VMP1: variants seen among roughly 807,000 people sequenced by gnomAD.
VMP1 encodes ectopic P-granules autophagy protein 3 homolog.
Under a neutral mutation model 56.0 loss-of-function variants are expected in VMP1, and 11 were observed. That is an observed-to-expected ratio of 0.20 (90% CI 0.12 to 0.32). VMP1 has a LOEUF of 0.32. Among genes scored for constraint, VMP1 ranks in the 10% least tolerant of loss-of-function variants. VMP1 has a pLI of 1.00. For synonymous variants in VMP1, 149 were observed against 165.0 expected (o/e 0.90, Z 0.74); for missense variants, 296 against 490.3 (o/e 0.60, Z 3.74).
At chr17:59,781,250 A>G (rs2036812602) in intron 7 of VMP1, among the ~76,000 whole-genome samples, 1 of 152,140 alleles carries the variant, frequency 6.6e-6, no homozygotes, top group African/African-American at 2.4e-5. Flanking sequence ...TTTATGTTTT[A>G]CAGATCTGCA....
chr17:59,731,382 G>A (rs2143801394), intron 1 of VMP1, 39 bp from the exon 2 acceptor site: 1 of 1,293,784 alleles, frequency 7.7e-7, no homozygotes, highest in South Asian at 1.4e-5. Flanking sequence ...CACAGCAGAA[G>A]TTTGTAATGT....
chr17:59,784,407 C>T (rs1316855622), intron 7 of VMP1, among the ~76,000 whole-genome samples: 1 of 151,938 alleles, frequency 6.6e-6, no homozygotes, highest in African/African-American at 2.4e-5. Flanking sequence ...TTATGATTCC[C>T]TTCCTACCCC....
intron 7 of VMP1, among the ~76,000 whole-genome samples, chr17:59,797,160 C>A (rs573837792): frequency 8.0e-5 from 12 of 150,388 alleles, no homozygotes; most frequent in East Asian, 4.0e-4. Context: ...GGTGAAACCC[C>A]CCCCCCGTCT....
At chr17:59,729,527 A>G (rs1189594112) in intron 1 of VMP1, among the ~76,000 whole-genome samples, 1 of 151,824 alleles carries the variant, frequency 6.6e-6, no homozygotes, top group Non-Finnish European at 1.5e-5. Context: ...GTCACTATGA[A>G]CATTCCTGAA....
intron 5 of VMP1, among the ~76,000 whole-genome samples, chr17:59,759,151 A>G (rs1866857773): frequency 6.6e-6 from 1 of 152,168 alleles, no homozygotes; most frequent in Non-Finnish European, 1.5e-5. Context: ...AGTTGGGTGG[A>G]TCACCTGAGG....
intron 7 of VMP1, among the ~76,000 whole-genome samples, chr17:59,800,571 A>G (rs966479002): frequency 6.6e-6 from 1 of 152,226 alleles, no homozygotes; most frequent in Non-Finnish European, 1.5e-5. Flanking sequence ...CTCCAAATCC[A>G]AAAGAAAGCA....
chr17:59,767,892 G>A (rs1310372295), intron 6 of VMP1, among the ~76,000 whole-genome samples: 3 of 152,066 alleles, frequency 2.0e-5, no homozygotes, highest in African/African-American at 4.8e-5. Context: ...ATGGGAGGCC[G>A]AGGTAGGTGG....
intron 7 of VMP1, among the ~76,000 whole-genome samples, chr17:59,801,846 G>A (rs2037678465): frequency 6.6e-6 from 1 of 151,920 alleles, no homozygotes; most frequent in African/African-American, 2.4e-5. Context: ...TTGCGTCTTT[G>A]CACTCTAGCC....
chr17:59,770,051 T>C (rs1346424490), intron 6 of VMP1, among the ~76,000 whole-genome samples: 1 of 152,160 alleles, frequency 6.6e-6, no homozygotes, highest in African/African-American at 2.4e-5. Context: ...TGTTTCTTGC[T>C]AATATGGGAA....
chr17:59,707,935 G>T (rs1375932843), intron 1 of VMP1, 187 bp downstream of exon 1: 1 of 152,254 alleles, frequency 6.6e-6, no homozygotes, highest in Non-Finnish European at 1.5e-5. Context: ...CGGTAGCCAG[G>T]TTATTTGGGA....
At chr17:59,711,466 A>G (rs1249392369) in intron 1 of VMP1, among the ~76,000 whole-genome samples, 2 of 152,168 alleles carry the variant, frequency 1.3e-5, no homozygotes, top group Non-Finnish European at 2.9e-5. Flanking sequence ...TGAAGTGATA[A>G]CTTTGTCGTG....
chr17:59,799,202 T>G (rs2037551960), intron 7 of VMP1, among the ~76,000 whole-genome samples: 1 of 152,238 alleles, frequency 6.6e-6, no homozygotes, highest in African/African-American at 2.4e-5. Flanking sequence ...ATGTTTTACA[T>G]ATAATCTCTT....
At chr17:59,746,720 T>C (rs2035437498) in intron 5 of VMP1, among the ~76,000 whole-genome samples, 1 of 152,192 alleles carries the variant, frequency 6.6e-6, no homozygotes, top group Non-Finnish European at 1.5e-5. Context: ...TATGCAAGAA[T>C]AGTGGTTGCT....
In VMP1 at chr17:59,839,882, C is replaced by T. The variant is rs2032215979; in HGVS notation, c.1192C>T (p.Arg398Trp). 6.2e-7 allele frequency: 1 copy of T among 1,611,974 alleles called. No individual in the cohort carries two copies. Residue 398 changes from arginine to tryptophan, a missense_variant, in exon 12 of 12, where the codon CGG (arginine) becomes TGG (tryptophan). This residue lies in a region of VMP1 where 95 missense variants were observed against 137.6 expected (regional missense o/e 0.69). Coordinates refer to ENST00000262291, the MANE Select transcript of VMP1 (RefSeq NM_030938.5). The part of the protein sequence containing the change: ...AQSYAKRIQQ[R>W]LNSEEKTK ...AAGTTATGCCAAACGAATCCAGCAGCGGTTGAACTCAGAGGAGAAAACTAA... is the reference window on the plus strand; with the variant it reads ...AAGTTATGCCAAACGAATCCAGCAGTGGTTGAACTCAGAGGAGAAAACTAA...
chr17:59,801,305 G>T (rs1249368920), intron 7 of VMP1, among the ~76,000 whole-genome samples: 1 of 151,678 alleles, frequency 6.6e-6, no homozygotes, highest in Admixed American at 6.6e-5. Context: ...GAGTGCAGGG[G>T]TGTGATCACC....
intron 7 of VMP1, among the ~76,000 whole-genome samples, chr17:59,776,147 G>A (rs1182385498): frequency 2.0e-5 from 3 of 152,134 alleles, no homozygotes; most frequent in Non-Finnish European, 4.4e-5. Flanking sequence ...AGAAGGTGGA[G>A]GCTGCAGTGA....
In VMP1 at chr17:59,788,467, A is replaced by T. The variant is rs367919377; in HGVS notation, c.714+14582A>T. Among the ~76,000 whole-genome samples, 7 of 151,332 alleles carry T rather than the reference A, an allele frequency of 4.6e-5. 1 individual carries two copies. Among genetic ancestry groups the T allele is most frequent in the African/African-American group, 1.7e-4 (7 of 41,196 alleles). On this transcript the variant is annotated intron_variant, in intron 7 of 11. Coordinates refer to ENST00000262291, the MANE Select transcript of VMP1 (RefSeq NM_030938.5). The stretch of plus-strand genomic sequence containing the variant: ...CCACCACTGCACTCCAGCCTGGGTG[A>T]TGGAGAGAGACTCAGTCTCCAAAAA...
At chr17:59,785,802 G>T (rs1242726467) in intron 7 of VMP1, among the ~76,000 whole-genome samples, 2 of 151,652 alleles carry the variant, frequency 1.3e-5, no homozygotes, top group Non-Finnish European at 2.9e-5. Context: ...ACCATTTTAG[G>T]TTGAATATTT....
intron 5 of VMP1, among the ~76,000 whole-genome samples, chr17:59,764,529 GC>G (rs1278412303): frequency 6.6e-6 from 1 of 152,142 alleles, no homozygotes; most frequent in Non-Finnish European, 1.5e-5. Flanking sequence ...TTGCTTTGTA[GC>G]CCAGGCTGGT....
Sources: gnomAD v4.1 joint callset for allele counts (sites outside exome capture counted in the v4.1 genomes callset) on GRCh38, gnomAD v4.1.1 for gene constraint, gnomAD v4.1.1 regional missense constraint, MANE v1.5 for transcripts, NCBI Gene and HGNC (gene_info 2026-07-23, HGNC 2026-07-21) for gene names.